Variants in RB1 observed in about 807,000 individuals in gnomAD.
RB1 encodes RB transcriptional corepressor 1.
Under a neutral mutation model 135.4 loss-of-function variants are expected in RB1, and 18 were observed. The observed-to-expected ratio is 0.13, with a 90% CI of 0.09 to 0.20. RB1 has a LOEUF of 0.20. Among genes scored for constraint, RB1 ranks in the 10% least tolerant of loss-of-function variants. The probability of loss-of-function intolerance (pLI) is 1.00; values close to 1 mark genes in which losing one functional copy is unlikely to be tolerated. For synonymous variants in RB1, 365 were observed against 373.2 expected (o/e 0.98, Z 0.25); for missense variants, 868 against 1,110.0 (o/e 0.78, Z 3.10).
At chr13:48,308,050 A>G (rs78751426) in intron 2 of RB1, among the ~76,000 whole-genome samples, 3,611 of 151,902 alleles carry the variant, frequency 0.024, 167 homozygotes, top group East Asian at 0.14. Context: ...CTGACTCAGA[A>G]TTAGTTTTGT....
intron 17 of RB1, among the ~76,000 whole-genome samples, chr13:48,440,082 C>T (rs1452722313): frequency 2.0e-5 from 3 of 151,992 alleles, no homozygotes; most frequent in Non-Finnish European, 2.9e-5. Context: ...AGGAGCTTTT[C>T]TTACATGTAG....
intron 2 of RB1, chr13:48,318,807 G>A: frequency 1.1e-6 from 1 of 880,610 alleles, no homozygotes; most frequent in Non-Finnish European, 1.9e-6. Context: ...GCCCTGGGCA[G>A]CCTGCGAGCA....
intron 24 of RB1, 91 bp from the exon 25 acceptor site, chr13:48,476,610 T>C: frequency 7.3e-7 from 1 of 1,375,508 alleles, no homozygotes. Context: ...CTTTGCCTGA[T>C]TTTTGACACA....
chr13:48,332,393 C>A (rs921059785), intron 2 of RB1, among the ~76,000 whole-genome samples: 3 of 152,124 alleles, frequency 2.0e-5, no homozygotes, highest in Non-Finnish European at 4.4e-5. Context: ...CATGGGGAGA[C>A]CCCCATCTCT....
intron 12 of RB1, among the ~76,000 whole-genome samples, chr13:48,375,398 C>T (rs1245637469): frequency 6.6e-6 from 1 of 151,138 alleles, no homozygotes; most frequent in Non-Finnish European, 1.5e-5. Flanking sequence ...AAGCTATGAA[C>T]ATTTTAATGG....
intron 18 of RB1, among the ~76,000 whole-genome samples, chr13:48,453,460 A>C (rs1380761551): frequency 1.3e-5 from 2 of 152,216 alleles, no homozygotes; most frequent in Admixed American, 1.3e-4. Flanking sequence ...CAAAGGAAGC[A>C]GAAAACATTT....
intron 17 of RB1, among the ~76,000 whole-genome samples, chr13:48,401,137 G>C (rs1948688188): frequency 6.6e-6 from 1 of 152,126 alleles, no homozygotes; most frequent in East Asian, 1.9e-4. Flanking sequence ...GTACAAACAA[G>C]AAGGGAAGTA....
At chr13:48,420,442 C>G (rs1042746115) in intron 17 of RB1, among the ~76,000 whole-genome samples, 2 of 152,164 alleles carry the variant, frequency 1.3e-5, no homozygotes, top group Admixed American at 1.3e-4. Context: ...ACTGAATCAG[C>G]AAAAGCTGGA....
rs2138331230 is a variant in RB1, at chr13:48,456,261, T to G, written c.1872T>G (p.Ser624=). Residue 624 remains serine, a synonymous_variant, in exon 19 of 27, where the codon TCT becomes TCG. Transcript: ENST00000267163. ...AAGGTTCAACTACGCGTGTAAATTCTACTGCAAATGCAGAGACACAAGCAA... is the reference window on the plus strand; with the variant it reads ...AAGGTTCAACTACGCGTGTAAATTCGACTGCAAATGCAGAGACACAAGCAA... The part of the protein sequence containing the change: ...KKKGSTTRVN[S]TANAETQATS... The G allele has an allele frequency of 6.2e-7, 1 of 1,614,218 alleles. No homozygotes were observed. Among genetic ancestry groups the G allele is most frequent in the South Asian group, 1.1e-5 (1 of 91,090 alleles).
chr13:48,377,663 T>C (rs1952841672), intron 13 of RB1, among the ~76,000 whole-genome samples: 1 of 152,224 alleles, frequency 6.6e-6, no homozygotes, highest in African/African-American at 2.4e-5. Context: ...TATATTTTGA[T>C]GCCATCAGTG....
In RB1 at chr13:48,347,807, TA is replaced by T; in HGVS notation, c.501-16del. On this transcript the variant is annotated splice_polypyrimidine_tract_variant and intron_variant, in intron 4 of 26. Transcript: ENST00000267163. Reference sequence around the variant, plus strand: ...ATTACGAAAAAATGTTAAAAAGTCATAATGTTTTTCTTTTCAGGACATGTGA... The same window carrying T: ...ATTACGAAAAAATGTTAAAAAGTCATATGTTTTTCTTTTCAGGACATGTGA... 6.4e-7 allele frequency: 1 copy of T among 1,559,574 alleles called. No homozygotes were observed. The highest frequency in any genetic ancestry group is 8.8e-7 in the Non-Finnish European group (1 of 1,133,162).
intron 2 of RB1, chr13:48,317,612 G>T: frequency 2.1e-6 from 1 of 478,800 alleles, no homozygotes; most frequent in Non-Finnish European, 3.4e-6. Flanking sequence ...TGGTCTTTCT[G>T]AATGTAAACA....
chr13:48,393,943 T>C (rs1214009280), intron 17 of RB1, among the ~76,000 whole-genome samples: 4 of 152,044 alleles, frequency 2.6e-5, no homozygotes, highest in Non-Finnish European at 5.9e-5. Context: ...CATAAGAAAA[T>C]ACTTAGGATG....
chr13:48,428,889 T>C (rs1286085991), intron 17 of RB1, among the ~76,000 whole-genome samples: 1 of 152,230 alleles, frequency 6.6e-6, no homozygotes. Context: ...CAAGTACTCT[T>C]CAGTTAAAGT....
At chr13:48,456,596 C>G (rs140015060) in intron 19 of RB1, among the ~76,000 whole-genome samples, 2 of 152,340 alleles carry the variant, frequency 1.3e-5, no homozygotes, top group East Asian at 1.9e-4. Context: ...TCAGGCCCAC[C>G]GGGCTCATTT....
At chr13:48,375,549 C>T (rs528860417) in intron 12 of RB1, among the ~76,000 whole-genome samples, 22 of 149,842 alleles carry the variant, frequency 1.5e-4, no homozygotes, top group Non-Finnish European at 2.5e-4. Flanking sequence ...ATGCACATTA[C>T]AATGAAAATT....
At chr13:48,419,181 A>T (rs1948965245) in intron 17 of RB1, among the ~76,000 whole-genome samples, 1 of 152,208 alleles carries the variant, frequency 6.6e-6, no homozygotes, top group Non-Finnish European at 1.5e-5. Context: ...AAATCATAAC[A>T]CAGTCTCTGA....
intron 2 of RB1, among the ~76,000 whole-genome samples, chr13:48,322,124 T>C (rs1445235520): frequency 6.6e-6 from 1 of 152,210 alleles, no homozygotes; most frequent in Admixed American, 6.5e-5. Context: ...CCCTATTTTT[T>C]AGATTCCACA....
At chr13:48,317,055 G>T in intron 2 of RB1, 1 of 714,328 alleles carries the variant, frequency 1.4e-6, no homozygotes, top group Non-Finnish European at 2.1e-6. Context: ...ACTCCGCCCT[G>T]TCTGTGCCTT....
Sources: allele counts gnomAD v4.1 joint callset (sites outside exome capture counted in the v4.1 genomes callset), GRCh38; gene constraint gnomAD v4.1.1; transcripts MANE v1.5; gene names NCBI Gene and HGNC (gene_info 2026-07-23, HGNC 2026-07-21).